The following APOB variants were observed in gnomAD, a reference collection of about 807,000 sequenced individuals.
The protein encoded by APOB is apolipoprotein B-100.
Under a neutral mutation model 314.1 loss-of-function variants are expected in APOB, and 153 were observed. The observed-to-expected ratio is 0.49, with a 90% CI of 0.43 to 0.56. APOB has a LOEUF of 0.56. APOB is among the 20% of genes least tolerant of loss of function. The pLI, the probability that APOB is intolerant of heterozygous loss-of-function variation, is 0.00. For missense variants in APOB, 5,430 were observed against 5,350.7 expected (o/e 1.01, Z -0.46); for synonymous variants, 2,087 against 2,036.4 (o/e 1.02, Z -0.67).
In APOB at chr2:21,010,117, T is replaced by G; in HGVS notation, c.6751A>C (p.Asn2251His). 6.2e-7 allele frequency: 1 copy of G among 1,612,518 alleles called. No homozygotes were observed. Among genetic ancestry groups the G allele is most frequent in the Non-Finnish European group, 8.5e-7 (1 of 1,179,352 alleles). ...CTGATTTGGTACTTAGTATCCACAT[T>G]TTGAATCCAGGATGCAGTACTACTT... is the stretch of plus-strand genomic sequence containing the variant. The part of the protein sequence containing the change: ...SGSSTASWIQ[N>H]VDTKYQIRIQ... The change falls in exon 26 of 29, where the codon AAT (asparagine) becomes CAT (histidine). Residue 2251 changes from asparagine to histidine, a missense_variant. This residue lies in a region of APOB where 3,281 missense variants were observed against 3,171.0 expected (regional missense o/e 1.03). Coordinates refer to ENST00000233242, the MANE Select transcript of APOB (RefSeq NM_000384.3).
rs903458891 is a variant in APOB, at chr2:21,006,143, G to C, written c.10725C>G (p.Gly3575=). 17 of 1,613,838 alleles carry C rather than the reference G, an allele frequency of 1.1e-5. No homozygotes were observed. The highest frequency in any genetic ancestry group is 1.4e-5 in the Non-Finnish European group (17 of 1,179,958). Reference sequence around the variant, plus strand: ...TATGTTCTCCGTTGGTGAAAAAGAGGCCCTCTAGCTGTAAGTGGTTTTTCG... The same window carrying C: ...TATGTTCTCCGTTGGTGAAAAAGAGCCCCTCTAGCTGTAAGTGGTTTTTCG... The part of the protein sequence containing the change: ...HSTKNHLQLE[G]LFFTNGEHTS... Residue 3575 remains glycine (G), a synonymous_variant, in exon 26 of 29, where the codon GGC becomes GGG. Coordinates refer to ENST00000233242, the MANE Select transcript of APOB (RefSeq NM_000384.3).
intron 8 of APOB, among the ~76,000 whole-genome samples, chr2:21,034,483 G>A (rs945198495): frequency 6.6e-6 from 1 of 152,172 alleles, no homozygotes; most frequent in African/African-American, 2.4e-5. Context: ...AGACTCTGAA[G>A]GTTCTCTCCC....
Position 21,043,668 on chromosome 2 carries a change from A to G in APOB, c.83-117T>C, listed in dbSNP as rs568895756. 13 of 1,510,478 alleles carry G rather than the reference A, an allele frequency of 8.6e-6. No homozygotes were observed. The East Asian group carries it at 2.7e-4, about 31-fold the overall frequency. The allele number at this position is 1,510,478 out of a possible 1,614,324, so 93.6% of individuals were successfully genotyped here. On this transcript the variant is annotated intron_variant, in intron 1 of 28. Transcript: ENST00000233242. ...CTTTCAGGAGGGAGGCAGGCTCCGGAGACCCCCTCCTCAGCCCCTCCATCC... is the reference window on the plus strand; with the variant it reads ...CTTTCAGGAGGGAGGCAGGCTCCGGGGACCCCCTCCTCAGCCCCTCCATCC...
intron 24 of APOB, 23 bp from the exon 25 acceptor site, chr2:21,013,556 C>T (rs750346516): frequency 3.1e-6 from 5 of 1,613,690 alleles, no homozygotes; most frequent in African/African-American, 1.3e-5. Flanking sequence ...ACAAAGATAA[C>T]ATCCCCACAG....
rs767810570 is a variant in APOB, at chr2:21,012,594, G to A, written c.4274C>T (p.Ser1425Phe). ...CGAATCTAGAAATTTGTGGCGTAGAGACCCATCACATGATAGTGTGAACGT... is the reference window on the plus strand; with the variant it reads ...CGAATCTAGAAATTTGTGGCGTAGAAACCCATCACATGATAGTGTGAACGT... ...KNTFTLSCDGSLRHKFLDSNI... is the reference protein window; with the variant it reads ...KNTFTLSCDGFLRHKFLDSNI... The change falls in exon 26 of 29, where the codon TCT (serine) becomes TTT (phenylalanine). Residue 1425 changes from serine to phenylalanine, a missense_variant. Around this residue, in one of 3 missense-constraint regions of APOB, gnomAD observed 2,085 missense variants for 2,079.7 expected, o/e 1.00. Transcript: ENST00000233242. 1.3e-5 allele frequency: 21 copies of A among 1,613,212 alleles called. No homozygotes were observed. In the Admixed American group the frequency reaches 2.8e-4, roughly 22 times the overall value.
At chr2:21,033,899 C>T (rs1663940070) in intron 8 of APOB, among the ~76,000 whole-genome samples, 1 of 152,204 alleles carries the variant, frequency 6.6e-6, no homozygotes, top group Non-Finnish European at 1.5e-5. Context: ...TTCCCAAGAG[C>T]TCTCAGGGTC....
chr2:21,030,166 A>G, intron 10 of APOB, 151 bp from the exon 11 acceptor site: 1 of 648,816 alleles, frequency 1.5e-6, no homozygotes, highest in Non-Finnish European at 2.7e-6. Context: ...CAAAAAGAAC[A>G]TAGCTGGAGG....
rs1336206032 is a variant in APOB at position 21,005,722 on chromosome 2, C to T, written c.11146G>A (p.Gly3716Ser). The T allele has an allele frequency of 1.2e-6, 2 of 1,613,724 alleles. No homozygotes were observed. Residue 3716 changes from glycine to serine, a missense_variant, in exon 26 of 29, where the codon GGC becomes AGC. This residue lies in a region of APOB where 3,281 missense variants were observed against 3,171.0 expected (regional missense o/e 1.03). Transcript: ENST00000233242. ...TTTACAGGGATGGAGAATGAATAGCCATTGGGGTTTTTGGTGTACACAAAG... is the reference window on the plus strand; with the variant it reads ...TTTACAGGGATGGAGAATGAATAGCTATTGGGGTTTTTGGTGTACACAAAG... Reference protein sequence around the residue: ...TAFVYTKNPNGYSFSIPVKVL... With the variant: ...TAFVYTKNPNSYSFSIPVKVL...
At chr2:21,017,878 C>T (rs903080972) in intron 20 of APOB, among the ~76,000 whole-genome samples, 1 of 152,182 alleles carries the variant, frequency 6.6e-6, no homozygotes, top group Non-Finnish European at 1.5e-5. Context: ...CTGTGATATG[C>T]TATCCCTATA....
At chr2:21,003,409 T>C (rs1256094016) in intron 28 of APOB, 75 bp from the exon 29 acceptor site, 1 of 1,282,178 alleles carries the variant, frequency 7.8e-7, no homozygotes, top group African/African-American at 1.5e-5. Flanking sequence ...TAAAACTTCA[T>C]TAGCAGTTAA....
In APOB at chr2:21,023,706, A is replaced by G. The variant is rs1663669228; in HGVS notation, c.2437-14T>C. The G allele has an allele frequency of 1.3e-6, 2 of 1,577,140 alleles. No homozygotes were observed. The highest frequency in any genetic ancestry group is 1.4e-5 in the African/African-American group (1 of 73,460). ...GACCTCTCCAATCTGTAGACCCAAC[A>G]AGGGAGAGCAAATAAAAGTAAGTCT... On this transcript the variant is annotated splice_polypyrimidine_tract_variant and intron_variant, in intron 16 of 28. Coordinates refer to ENST00000233242, the MANE Select transcript of APOB (RefSeq NM_000384.3).
rs563016779 is a variant in APOB at position 21,041,235 on chromosome 2, A to C, written c.238-152T>G. The C allele has an allele frequency of 8.8e-4, 683 of 777,906 alleles. 2 individuals carry two copies. The African/African-American group carries it at 0.01, about 12-fold the overall frequency. 48.2% of individuals were successfully genotyped at this position (777,906 alleles called of 1,614,324 possible). A position where few individuals can be genotyped will look rare whatever the true frequency, so the allele number is the denominator to read the frequency against. On this transcript the variant is annotated intron_variant, in intron 3 of 28. Coordinates refer to ENST00000233242, the MANE Select transcript of APOB (RefSeq NM_000384.3). ...CCTCAACACCACATGCCTTATCAAC[A>C]TGCCTCCTGGGTTCTCTGTGCACCA...
intron 10 of APOB, among the ~76,000 whole-genome samples, chr2:21,031,039 T>C: frequency 6.6e-6 from 1 of 152,064 alleles, no homozygotes; most frequent in East Asian, 1.9e-4. Flanking sequence ...TGGAAAACAA[T>C]ACAGAGATTT....
In APOB at chr2:21,001,768, T is replaced by C. The variant is rs758028252; in HGVS notation, c.13654A>G (p.Met4552Val). The C allele has an allele frequency of 4.3e-6, 7 of 1,613,898 alleles. No individual in the cohort carries two copies. Among genetic ancestry groups the C allele is most frequent in the South Asian group, 2.2e-5 (2 of 91,072 alleles). The stretch of plus-strand genomic sequence containing the variant: ...GTAAGTTCTCCTGGAGCAAGCTTCA[T>C]GTAGGGGTTCATGACTGTGGTTGAT... The part of the protein sequence containing the change: ...LQSTTVMNPY[M>V]KLAPGELTII... The change falls in exon 29 of 29, where the codon ATG becomes GTG. Residue 4552 changes from methionine (M) to valine (V), a missense_variant. Physicochemically the swap from Met to Val is conservative, Grantham distance 21 (BLOSUM62 1). Coordinates refer to ENST00000233242, the MANE Select transcript of APOB (RefSeq NM_000384.3).
intron 4 of APOB, among the ~76,000 whole-genome samples, chr2:21,038,779 G>A (rs1215883551): frequency 6.6e-6 from 1 of 152,142 alleles, no homozygotes; most frequent in South Asian, 2.1e-4. Context: ...TGTAAACATG[G>A]GTGAGTGCAA....
At chr2:21,034,782 A>AT (rs1254878680) in intron 8 of APOB, 34 bp downstream of exon 8, 1 of 1,259,794 alleles carries the variant, frequency 7.9e-7, no homozygotes, top group East Asian at 2.3e-5. Flanking sequence ...TCTTGAGTAG[A>AT]TTTTCCAGCA....
chr2:21,014,302 C>T (rs1663410667), intron 24 of APOB, 146 bp downstream of exon 24: 4 of 905,378 alleles, frequency 4.4e-6, no homozygotes, highest in African/African-American at 3.4e-5. Flanking sequence ...GCAAAGATGC[C>T]ACAGTGTTTG....
chr2:21,002,690 G>A lies in APOB; in HGVS notation c.12732C>T (p.Ser4244=), dbSNP rs1432058388. The change falls in exon 29 of 29, where the codon TCC becomes TCT. Residue 4244 remains serine (S), a synonymous_variant. Coordinates refer to ENST00000233242, the MANE Select transcript of APOB (RefSeq NM_000384.3). Reference sequence around the variant, plus strand: ...GTGTAATCACTAGGTCTTGGAAATAGGAAAACAGTATTTCTGAACCATTAT... The same window carrying A: ...GTGTAATCACTAGGTCTTGGAAATAAGAAAACAGTATTTCTGAACCATTAT... ...KVHNGSEILF[S]YFQDLVITLP... The A allele has an allele frequency of 2.5e-6, 4 of 1,613,712 alleles. No homozygotes were observed. Among genetic ancestry groups the A allele is most frequent in the Non-Finnish European group, 3.4e-6 (4 of 1,179,852 alleles).
chr2:21,018,919 C>T, intron 20 of APOB, 73 bp downstream of exon 20: 1 of 1,608,486 alleles, frequency 6.2e-7, no homozygotes, highest in Non-Finnish European at 8.5e-7. Flanking sequence ...GGTTAAATTA[C>T]ATGTCTTCTC....
Sources: gnomAD v4.1 joint callset for allele counts (sites outside exome capture counted in the v4.1 genomes callset) on GRCh38, gnomAD v4.1.1 for gene constraint, gnomAD v4.1.1 regional missense constraint, MANE v1.5 for transcripts, NCBI Gene and HGNC (gene_info 2026-07-23, HGNC 2026-07-21) for gene names.